SLC22A12: variants seen among roughly 807,000 people sequenced by gnomAD.
SLC22A12 encodes the protein organic anion transporter 4-like protein.
A neutral mutation model predicts 52.7 loss-of-function variants in SLC22A12; 56 were observed. The observed-to-expected ratio is 1.06, with a 90% CI of 0.86 to 1.33. The LOEUF is 1.33. Among genes scored for constraint, SLC22A12 ranks in the 40% most tolerant of loss-of-function variants. SLC22A12 has a pLI of 0.00. For missense variants in SLC22A12, 683 were observed against 741.5 expected (o/e 0.92, Z 0.92); for synonymous variants, 337 against 324.6 (o/e 1.04, Z -0.41).
chr11:64,600,663 C>A (rs1591404501), intron 8 of SLC22A12, 72 bp from the exon 9 acceptor site: 21 of 1,588,060 alleles, frequency 1.3e-5, no homozygotes, highest in South Asian at 3.3e-5. Flanking sequence ...GCCAAGCGGG[C>A]CTGGCCCGGC....
chr11:64,595,852 G>GATGGTCGA (rs2039169300), intron 4 of SLC22A12, among the ~76,000 whole-genome samples: 1 of 151,120 alleles, frequency 6.6e-6, no homozygotes, highest in African/African-American at 2.4e-5. Context: ...TGGATGGATG[G>GATGGTCGA]ATGGATAGTT....
chr11:64,594,404 C>G (rs1287858664), intron 4 of SLC22A12, among the ~76,000 whole-genome samples: 8 of 152,248 alleles, frequency 5.3e-5, no homozygotes, highest in African/African-American at 1.9e-4. Flanking sequence ...AGGCGTGGCC[C>G]TTGCCGAGCA....
In SLC22A12 at chr11:64,591,679, G is replaced by T. The variant is rs144313367; in HGVS notation, c.123G>T (p.Ser41=). The part of the protein sequence containing the change: ...LCTQSMLENF[S]AAVPSHRCWA... ...CCCAGAGCATGCTGGAGAACTTCTC[G>T]GCCGCCGTGCCCAGCCACCGCTGCT... The change falls in exon 1 of 10, where the codon TCG becomes TCT. Residue 41 remains serine (S), a synonymous_variant. Coordinates refer to ENST00000377574, the MANE Select transcript of SLC22A12 (RefSeq NM_144585.4). 6.2e-7 allele frequency: 1 copy of T among 1,612,348 alleles called. No individual in the cohort carries two copies. The highest frequency in any genetic ancestry group is 1.1e-5 in the South Asian group (1 of 91,070).
chr11:64,594,722 TGGAC>T (rs1025873826), intron 4 of SLC22A12, among the ~76,000 whole-genome samples: 3 of 139,494 alleles, frequency 2.2e-5, no homozygotes, highest in South Asian at 2.4e-4. Flanking sequence ...GATGGATGGA[TGGAC>T]GGACAGACGG....
chr11:64,598,990 G>A (rs1465235713), intron 6 of SLC22A12, 67 bp downstream of exon 6: 19 of 1,573,940 alleles, frequency 1.2e-5, no homozygotes, highest in South Asian at 2.3e-5. Context: ...GCTGGCACAC[G>A]GCCCCGGCCT....
At chr11:64,592,640 A>G (rs969044345) in intron 1 of SLC22A12, 139 bp from the exon 2 acceptor site, 2 of 760,898 alleles carry the variant, frequency 2.6e-6, no homozygotes, top group Non-Finnish European at 2.4e-6. Context: ...ACTGTTCCAC[A>G]GGGTCTTGCT....
chr11:64,600,560 C>A, intron 8 of SLC22A12, 85 bp downstream of exon 8: 1 of 1,382,248 alleles, frequency 7.2e-7, no homozygotes, highest in Non-Finnish European at 9.9e-7. Context: ...TCTCCCAGAC[C>A]TAGATGTTCA....
chr11:64,600,410 C>A lies in SLC22A12; in HGVS notation c.1329C>A (p.Gly443=), dbSNP rs61743169. The change falls in exon 8 of 10, where the codon GGC becomes GGA. Residue 443 remains glycine (G), a synonymous_variant. Transcript: ENST00000377574. ...LRSALAVLGL[G]GVGAAFTCIT... is the part of the protein sequence containing the mutation. Reference sequence around the variant, plus strand: ...CAGCCTTGGCCGTGCTGGGGCTGGGCGGGGTGGGGGCTGCCTTCACCTGCA... The same window carrying A: ...CAGCCTTGGCCGTGCTGGGGCTGGGAGGGGTGGGGGCTGCCTTCACCTGCA... The A allele has an allele frequency of 3.1e-6, 5 of 1,605,832 alleles. No individual in the cohort carries two copies. The highest frequency in any genetic ancestry group is 3.4e-6 in the Non-Finnish European group (4 of 1,177,964).
intron 4 of SLC22A12, among the ~76,000 whole-genome samples, chr11:64,598,016 G>C (rs1475841007): frequency 6.6e-6 from 1 of 152,156 alleles, no homozygotes; most frequent in African/African-American, 2.4e-5. Context: ...CTGTGAAGCT[G>C]TTTGCAGGAG....
Position 64,597,628 on chromosome 11 carries a change from G to A in SLC22A12, c.831-888G>A, listed in dbSNP as rs533383517. ...CCCCTCTGTTCTGCAAATCCCTAAGGAGCTCAGGGCCCCGGTGGGTGTAGG... is the reference window on the plus strand; with the variant it reads ...CCCCTCTGTTCTGCAAATCCCTAAGAAGCTCAGGGCCCCGGTGGGTGTAGG... On this transcript the variant is annotated intron_variant, in intron 4 of 9. Transcript: ENST00000377574. Among the ~76,000 whole-genome samples the A allele has an allele frequency of 2.6e-5, 4 of 152,324 alleles. No homozygotes were observed. The South Asian group carries it at 8.3e-4, about 32-fold the overall frequency.
chr11:64,599,534 G>A (rs956058059), intron 6 of SLC22A12, 142 bp from the exon 7 acceptor site: 35 of 668,768 alleles, frequency 5.2e-5, no homozygotes, highest in Middle Eastern at 4.0e-4. Flanking sequence ...CCGCCCCACA[G>A]AGCTGGCAGC....
In SLC22A12 at chr11:64,599,859, C is replaced by T. The variant is rs142344676; in HGVS notation, c.1254C>T (p.Leu418=). ...TLAASLLLAG[L]CILANTLVPH... is the part of the protein sequence containing the mutation. The stretch of plus-strand genomic sequence containing the variant: ...CCGCATCCCTGTTGCTGGCAGGGCT[C>T]TGCATTCTGGCCAACACGCTGGTGC... Residue 418 remains leucine, a synonymous_variant, in exon 7 of 10, where the codon CTC becomes CTT. Coordinates refer to ENST00000377574, the MANE Select transcript of SLC22A12 (RefSeq NM_144585.4). 1.8e-4 allele frequency: 289 copies of T among 1,612,570 alleles called. No individual in the cohort carries two copies. The highest frequency in any genetic ancestry group is 2.4e-4 in the Non-Finnish European group (279 of 1,179,798).
Position 64,600,951 on chromosome 11 carries a change from A to G in SLC22A12, c.1598+13A>G. 1 of 1,605,902 alleles carries G rather than the reference A, an allele frequency of 6.2e-7. No individual in the cohort carries two copies. Among genetic ancestry groups the G allele is most frequent in the African/African-American group, 1.3e-5 (1 of 74,988 alleles). ...ATGTGCAGAACCAGTGAGTGGACCC[A>G]GCCTCGGGACCACCCCTCCCTCCCA... On this transcript the variant is annotated intron_variant, in intron 9 of 9. Coordinates refer to ENST00000377574, the MANE Select transcript of SLC22A12 (RefSeq NM_144585.4).
chr11:64,599,277 C>T (rs917079356), intron 6 of SLC22A12, among the ~76,000 whole-genome samples: 1 of 152,218 alleles, frequency 6.6e-6, no homozygotes, highest in African/African-American at 2.4e-5. Context: ...CTTATCAGAG[C>T]CCAGGACCCA....
chr11:64,596,348 A>G (rs1160012611), intron 4 of SLC22A12, among the ~76,000 whole-genome samples: 1 of 136,644 alleles, frequency 7.3e-6, no homozygotes, highest in Non-Finnish European at 1.5e-5. Flanking sequence ...GGGTGGATGG[A>G]TGGATGAATG....
In SLC22A12 at chr11:64,601,468, C is replaced by G; in HGVS notation, c.1599-20C>G. 6.2e-7 allele frequency: 1 copy of G among 1,612,284 alleles called. No individual in the cohort carries two copies. The highest frequency in any genetic ancestry group is 8.5e-7 in the Non-Finnish European group (1 of 1,179,352). On this transcript the variant is annotated intron_variant, in intron 9 of 9. Coordinates refer to ENST00000377574, the MANE Select transcript of SLC22A12 (RefSeq NM_144585.4). Reference sequence around the variant, plus strand: ...GCCACTCCGCACCCCAAGACACACCCCCGTGTGCTTCCTGAACAGGGCAGT... The same window carrying G: ...GCCACTCCGCACCCCAAGACACACCGCCGTGTGCTTCCTGAACAGGGCAGT...
At chr11:64,592,927 C>T in intron 2 of SLC22A12, 45 bp downstream of exon 2, 1 of 1,537,240 alleles carries the variant, frequency 6.5e-7, no homozygotes, top group East Asian at 2.2e-5. Context: ...CCTCACAACC[C>T]CTGCTCTCCT....
chr11:64,593,534 C>T lies in SLC22A12; in HGVS notation c.636C>T (p.Gly212=), dbSNP rs1272829728. The T allele has an allele frequency of 7.4e-6, 12 of 1,614,054 alleles. No individual in the cohort carries two copies. The highest frequency in any genetic ancestry group is 6.7e-5 in the East Asian group (3 of 44,902). The stretch of plus-strand genomic sequence containing the variant: ...TCCTGTTGGCCTTTGCCGTGGCAGG[C>T]GTCATGATGAACACGGGCACTCTCC... ...FRFLLAFAVA[G]VMMNTGTLLM... Residue 212 remains glycine (G), a synonymous_variant, in exon 3 of 10, where the codon GGC becomes GGT. Coordinates refer to ENST00000377574, the MANE Select transcript of SLC22A12 (RefSeq NM_144585.4).
At position 64,592,929 on chromosome 11, in the gene SLC22A12, T is replaced by G. The variant is rs1271318599; in HGVS notation, c.506+47T>G. 6 of 1,533,894 alleles carry G rather than the reference T, an allele frequency of 3.9e-6. No homozygotes were observed. The African/African-American group carries it at 8.2e-5, about 21-fold the overall frequency. ...AGGTCCCAGTTCCCCTCACAACCCCTGCTCTCCTAGGACCCTGGCCGACTG... is the reference window on the plus strand; with the variant it reads ...AGGTCCCAGTTCCCCTCACAACCCCGGCTCTCCTAGGACCCTGGCCGACTG... On this transcript the variant is annotated intron_variant, in intron 2 of 9. Transcript: ENST00000377574.
Sources: allele counts gnomAD v4.1 joint callset (sites outside exome capture counted in the v4.1 genomes callset), GRCh38; gene constraint gnomAD v4.1.1; transcripts MANE v1.5; gene names NCBI Gene and HGNC (gene_info 2026-07-23, HGNC 2026-07-21).